Variants in ATP8A1 observed in about 807,000 individuals in gnomAD.
ATP8A1 encodes phospholipid-transporting ATPase IA.
Under a neutral mutation model 177.7 loss-of-function variants are expected in ATP8A1, and 90 were observed. The observed-to-expected ratio is 0.51, with a 90% CI of 0.43 to 0.60. The LOEUF is 0.60. Ranked by LOEUF, ATP8A1 falls within the 20% of genes least tolerant of loss-of-function variation. The probability of loss-of-function intolerance (pLI) is 0.00; values close to 1 mark genes in which losing one functional copy is unlikely to be tolerated. For missense variants in ATP8A1, 1,072 were observed against 1,392.8 expected (o/e 0.77, Z 3.67); for synonymous variants, 493 against 485.9 (o/e 1.01, Z -0.19).
At chr4:42,566,594 T>C (rs1034036042) in intron 15 of ATP8A1, among the ~76,000 whole-genome samples, 7 of 152,186 alleles carry the variant, frequency 4.6e-5, no homozygotes, top group Non-Finnish European at 5.9e-5. Flanking sequence ...TGCTCTTGCC[T>C]AACACCACAA....
At chr4:42,550,570 T>C (rs1167350254) in intron 18 of ATP8A1, among the ~76,000 whole-genome samples, 1 of 152,140 alleles carries the variant, frequency 6.6e-6, no homozygotes, top group Non-Finnish European at 1.5e-5. Context: ...TATATGAGTA[T>C]CCCACTTGTT....
intron 5 of ATP8A1, among the ~76,000 whole-genome samples, chr4:42,607,632 G>GTT (rs34714525): frequency 0.048 from 6,981 of 146,826 alleles, 255 homozygotes; most frequent in African/African-American, 0.096. Context: ...GATTCTACAG[G>GTT]TTTTTTTTTT....
At position 42,576,475 on chromosome 4, in the gene ATP8A1, C is replaced by CAAAAAAAAAAAAA. The variant is rs1159794343; in HGVS notation, c.1129-789_1129-777dup. Among the ~76,000 whole-genome samples the CAAAAAAAAAAAAA allele has an allele frequency of 3.2e-3, 105 of 32,404 alleles. 5 individuals carry two copies. The highest frequency in any genetic ancestry group is 7.5e-3 in the East Asian group (8 of 1,072). The allele number at this position is 32,404 out of a possible 152,430, so 21.3% of individuals were successfully genotyped here. ...TGGGCGACAGAGCAAGACGCCGTCT[C>CAAAAAAAAAAAAA]AAAAAAAAAAAAAAAAAAAAAAAAA... On this transcript the variant is annotated intron_variant, in intron 12 of 36. Coordinates refer to ENST00000381668, the MANE Select transcript of ATP8A1 (RefSeq NM_006095.2).
At chr4:42,609,700 T>C (rs140097384) in intron 5 of ATP8A1, among the ~76,000 whole-genome samples, 19 of 152,262 alleles carry the variant, frequency 1.2e-4, no homozygotes, top group East Asian at 9.7e-4. Context: ...CAGTTGAATC[T>C]ATCCACTGTG....
rs1553871737 is a variant in ATP8A1, at chr4:42,435,461, A to AC, written c.3123+8103_3123+8104insG. Among the ~76,000 whole-genome samples the AC allele has an allele frequency of 1.1e-4, 14 of 122,378 alleles. 1 individual carries two copies. The highest frequency in any genetic ancestry group is 2.9e-4 in the South Asian group (1 of 3,416). 80.3% of individuals were successfully genotyped at this position (122,378 alleles called of 152,430 possible). A position where few individuals can be genotyped will look rare whatever the true frequency, so the allele number is the denominator to read the frequency against. ...AAAAAAAAAAAAAACAAAAAAAAAAAAACAAACTATCTCCAGTTATGAGCT... is the reference window on the plus strand; with the variant it reads ...AAAAAAAAAAAAAACAAAAAAAAAAACAACAAACTATCTCCAGTTATGAGCT... On this transcript the variant is annotated intron_variant, in intron 33 of 36. Transcript: ENST00000381668.
chr4:42,416,838 G>T (rs1409308329), intron 35 of ATP8A1, among the ~76,000 whole-genome samples: 1 of 152,134 alleles, frequency 6.6e-6, no homozygotes, highest in Non-Finnish European at 1.5e-5. Context: ...CCAAGATGCT[G>T]AGAATTTATT....
intron 14 of ATP8A1, among the ~76,000 whole-genome samples, chr4:42,571,917 G>A (rs1353154911): frequency 1.3e-5 from 2 of 152,172 alleles, no homozygotes; most frequent in Non-Finnish European, 2.9e-5. Flanking sequence ...CTGATGCACG[G>A]TTTTAAGTGT....
At chr4:42,469,037 A>G (rs1052965092) in intron 25 of ATP8A1, among the ~76,000 whole-genome samples, 1 of 152,316 alleles carries the variant, frequency 6.6e-6, no homozygotes. Flanking sequence ...TTTGTAGCAG[A>G]AATCTCACTC....
At chr4:42,599,147 T>C (rs149234168) in intron 6 of ATP8A1, among the ~76,000 whole-genome samples, 7 of 152,316 alleles carry the variant, frequency 4.6e-5, no homozygotes, top group African/African-American at 1.7e-4. Context: ...TAGAGTGAAG[T>C]AGTACATTAT....
chr4:42,554,466 T>C lies in ATP8A1; in HGVS notation c.1413+1502A>G, dbSNP rs558157779. Among the ~76,000 whole-genome samples, 5 of 152,294 alleles carry C rather than the reference T, an allele frequency of 3.3e-5. No individual in the cohort carries two copies. In the South Asian group the frequency reaches 8.3e-4, roughly 25 times the overall value. ...AGAGGTGGTCTAGGGCTAGGCTTTG[T>C]AGATCCTGAAGTTAATATTTTGTTG... On this transcript the variant is annotated intron_variant, in intron 16 of 36. Transcript: ENST00000381668.
intron 16 of ATP8A1, among the ~76,000 whole-genome samples, chr4:42,554,018 T>G (rs1393695969): frequency 1.3e-5 from 2 of 152,110 alleles, no homozygotes; most frequent in African/African-American, 2.4e-5. Flanking sequence ...AGAAAGGAGC[T>G]CAAAGTGAGG....
intron 16 of ATP8A1, among the ~76,000 whole-genome samples, chr4:42,553,369 T>G (rs901296099): frequency 1.4e-4 from 22 of 152,224 alleles, no homozygotes; most frequent in African/African-American, 5.3e-4. Context: ...TTTTCTATAA[T>G]GCTTTGTCTT....
intron 33 of ATP8A1, among the ~76,000 whole-genome samples, chr4:42,440,580 T>C (rs923501193): frequency 4.6e-5 from 7 of 152,164 alleles, no homozygotes; most frequent in African/African-American, 1.4e-4. Flanking sequence ...GTGCCTAGAA[T>C]AGCGTCAGAC....
At chr4:42,475,760 G>A (rs989146533) in intron 25 of ATP8A1, among the ~76,000 whole-genome samples, 6 of 152,030 alleles carry the variant, frequency 3.9e-5, no homozygotes, top group East Asian at 1.9e-4. Context: ...AACCAGGGCC[G>A]GGCTGGGTGG....
chr4:42,446,103 A>AAAAAAAAG (rs1717210673), intron 31 of ATP8A1, among the ~76,000 whole-genome samples: 1 of 107,878 alleles, frequency 9.3e-6, no homozygotes, highest in Non-Finnish European at 2.3e-5. Flanking sequence ...AAAAAAAGAG[A>AAAAAAAAG]AGAGATATAG....
At chr4:42,484,487 G>C (rs1722004733) in intron 25 of ATP8A1, among the ~76,000 whole-genome samples, 1 of 152,120 alleles carries the variant, frequency 6.6e-6, no homozygotes, top group Non-Finnish European at 1.5e-5. Context: ...ATTTCAGAAA[G>C]TATGTCTCAA....
At chr4:42,602,645 C>T (rs903591799) in intron 5 of ATP8A1, among the ~76,000 whole-genome samples, 1 of 151,952 alleles carries the variant, frequency 6.6e-6, no homozygotes, top group Non-Finnish European at 1.5e-5. Flanking sequence ...GGCGCACACC[C>T]GTAGTCCCAG....
At chr4:42,555,931 T>C in intron 16 of ATP8A1, 37 bp downstream of exon 16, 1 of 1,413,544 alleles carries the variant, frequency 7.1e-7, no homozygotes, top group South Asian at 1.2e-5. Context: ...TTAGTTTTTA[T>C]TCACTAACAA....
chr4:42,448,396 C>CTTTATTTTTTTTTTT (rs778022629), intron 30 of ATP8A1, among the ~76,000 whole-genome samples: 3 of 84,126 alleles, frequency 3.6e-5, no homozygotes, highest in African/African-American at 8.0e-5. Context: ...CCTTCTCTTT[C>CTTTATTTTTTTTTTT]TTTTCTTTTT....
Sources: gnomAD v4.1 joint callset for allele counts (sites outside exome capture counted in the v4.1 genomes callset) on GRCh38, gnomAD v4.1.1 for gene constraint, MANE v1.5 for transcripts, NCBI Gene and HGNC (gene_info 2026-07-23, HGNC 2026-07-21) for gene names.